DNMBP: variants seen among roughly 807,000 people sequenced by gnomAD.
DNMBP encodes dynamin-binding protein.
DNMBP carries 87 observed loss-of-function variants against 150.0 expected under a neutral mutation model. The ratio of observed to expected loss-of-function variants is 0.58; its 90% CI spans 0.49 to 0.69. DNMBP has a LOEUF of 0.69. DNMBP is among the 30% of genes least tolerant of loss of function. The probability of loss-of-function intolerance (pLI) is 0.00; values close to 1 mark genes in which losing one functional copy is unlikely to be tolerated. For missense variants in DNMBP, 1,774 were observed against 1,949.0 expected (o/e 0.91, Z 1.69); for synonymous variants, 711 against 750.4 (o/e 0.95, Z 0.86).
intron 11 of DNMBP, 113 bp downstream of exon 11, chr10:99,894,833 T>C (rs1376083832): frequency 1.5e-5 from 11 of 743,466 alleles, no homozygotes; most frequent in South Asian, 1.1e-4. Flanking sequence ...TGGGGCATAA[T>C]AGTAATTTGA....
At chr10:99,891,180 CTCTCCCTCTCCCCACCG>C (rs1158604267) in intron 11 of DNMBP, among the ~76,000 whole-genome samples, 9 of 149,130 alleles carry the variant, frequency 6.0e-5, no homozygotes, top group Non-Finnish European at 9.0e-5. Context: ...CTCCCTCCCC[CTCTCCCTCTCCCCACCG>C]TCTCCCTCTC....
At chr10:99,900,876 A>C (rs1178218176) in intron 6 of DNMBP, among the ~76,000 whole-genome samples, 1 of 152,158 alleles carries the variant, frequency 6.6e-6, no homozygotes, top group Non-Finnish European at 1.5e-5. Flanking sequence ...AGACTGGATA[A>C]AGTATATTAC....
chr10:99,983,533 T>C (rs2040799646), intron 1 of DNMBP, among the ~76,000 whole-genome samples: 1 of 152,194 alleles, frequency 6.6e-6, no homozygotes, highest in Non-Finnish European at 1.5e-5. Context: ...TTCAGATAAC[T>C]AGCAACAGAT....
intron 10 of DNMBP, among the ~76,000 whole-genome samples, chr10:99,895,799 G>T (rs1313517797): frequency 6.6e-6 from 1 of 152,160 alleles, no homozygotes; most frequent in Non-Finnish European, 1.5e-5. Context: ...CCTAACAATG[G>T]ACTATTTTCT....
At chr10:99,890,084 T>C (rs990017600) in intron 11 of DNMBP, among the ~76,000 whole-genome samples, 6 of 152,246 alleles carry the variant, frequency 3.9e-5, no homozygotes, top group African/African-American at 1.4e-4. Context: ...TTAGACCTTT[T>C]GTCTTTAATA....
intron 4 of DNMBP, among the ~76,000 whole-genome samples, chr10:99,929,287 C>A (rs1363716742): frequency 6.7e-6 from 1 of 148,766 alleles, no homozygotes; most frequent in Non-Finnish European, 1.5e-5. Context: ...GCTGCCTCGA[C>A]AAGATGAACA....
chr10:99,947,189 T>C (rs2040366541), intron 4 of DNMBP, among the ~76,000 whole-genome samples: 1 of 152,194 alleles, frequency 6.6e-6, no homozygotes, highest in Non-Finnish European at 1.5e-5. Flanking sequence ...AGTAGAACTA[T>C]CATTCGACTT....
intron 6 of DNMBP, among the ~76,000 whole-genome samples, chr10:99,905,538 C>G (rs2039814126): frequency 1.3e-5 from 2 of 152,022 alleles, no homozygotes; most frequent in African/African-American, 4.8e-5. Context: ...GCCTGGGCAA[C>G]AGAGCAAGAC....
At position 99,955,635 on chromosome 10, in the gene DNMBP, A is replaced by T; in HGVS notation, c.1839T>A (p.Pro613=). The change falls in exon 4 of 17, where the codon CCT becomes CCA. Residue 613 remains proline, a synonymous_variant. Transcript: ENST00000324109. ...AAGTGGATACCGGAGTACAGGGACG[A>T]GGTGGCGGTGGCCTTAGGGCCTTTC... ...ERRKALRPPP[P]RPCTPVSTSP... 6.2e-7 allele frequency: 1 copy of T among 1,614,206 alleles called. No individual in the cohort carries two copies. Among genetic ancestry groups the T allele is most frequent in the Non-Finnish European group, 8.5e-7 (1 of 1,180,032 alleles).
chr10:99,983,958 A>C (rs2040804210), intron 1 of DNMBP, among the ~76,000 whole-genome samples: 1 of 152,236 alleles, frequency 6.6e-6, no homozygotes, highest in African/African-American at 2.4e-5. Flanking sequence ...ACCCTTATCT[A>C]AACCACCCGA....
At chr10:99,897,095 T>G (rs992728802) in intron 9 of DNMBP, among the ~76,000 whole-genome samples, 1 of 152,094 alleles carries the variant, frequency 6.6e-6, no homozygotes, top group Admixed American at 6.6e-5. Context: ...TTAGATAACT[T>G]TAAAGTGTGG....
chr10:100,000,859 C>CAAAAA (rs36026874), intron 1 of DNMBP, among the ~76,000 whole-genome samples: 1 of 52,544 alleles, frequency 1.9e-5, no homozygotes, highest in African/African-American at 5.5e-5. Context: ...CCTGTTATGG[C>CAAAAA]AAAAAAAAAA....
chr10:99,877,790 G>C (rs1162214622), intron 16 of DNMBP, among the ~76,000 whole-genome samples: 1 of 152,176 alleles, frequency 6.6e-6, no homozygotes, highest in East Asian at 1.9e-4. Flanking sequence ...CTCCAACCCA[G>C]GATGCAGAGG....
Position 99,909,165 on chromosome 10 carries a change from C to T in DNMBP, c.2261-19G>A. The T allele has an allele frequency of 6.2e-7, 1 of 1,604,416 alleles. No homozygotes were observed. Among genetic ancestry groups the T allele is most frequent in the Non-Finnish European group, 8.5e-7 (1 of 1,174,308 alleles). ...GTCATTTCTAGAAGGGAAAAGAGAA[C>T]TGGTTAGCAGCTCTGGGTGTAAAAG... On this transcript the variant is annotated intron_variant, in intron 4 of 16. Transcript: ENST00000324109.
intron 4 of DNMBP, chr10:99,930,245 T>C (rs1314546115): frequency 4.3e-6 from 3 of 702,818 alleles, no homozygotes; most frequent in African/African-American, 1.7e-5. Flanking sequence ...ACAACTGAGG[T>C]TGACCTAAAT....
intron 4 of DNMBP, among the ~76,000 whole-genome samples, chr10:99,932,238 A>G (rs1264634457): frequency 1.3e-5 from 2 of 152,156 alleles, no homozygotes; most frequent in African/African-American, 4.8e-5. Flanking sequence ...AAACTGCCTT[A>G]TATGCTTTGT....
chr10:99,990,316 G>A (rs796310925), intron 1 of DNMBP, among the ~76,000 whole-genome samples: 8 of 152,182 alleles, frequency 5.3e-5, no homozygotes, highest in African/African-American at 1.9e-4. Flanking sequence ...ACTTTGAGAG[G>A]CTAAGGTGGG....
At chr10:99,989,487 G>C (rs1242897306) in intron 1 of DNMBP, among the ~76,000 whole-genome samples, 1 of 152,186 alleles carries the variant, frequency 6.6e-6, no homozygotes, top group Non-Finnish European at 1.5e-5. Context: ...GAGGCAGGTG[G>C]ATCATCTGAG....
chr10:100,005,582 C>T (rs1204114880), intron 1 of DNMBP, among the ~76,000 whole-genome samples: 1 of 151,776 alleles, frequency 6.6e-6, no homozygotes, highest in East Asian at 1.9e-4. Flanking sequence ...GGTGAAACCC[C>T]GTCTCTACTA....
Sources: allele counts gnomAD v4.1 joint callset (sites outside exome capture counted in the v4.1 genomes callset), GRCh38; gene constraint gnomAD v4.1.1; transcripts MANE v1.5; gene names NCBI Gene and HGNC (gene_info 2026-07-23, HGNC 2026-07-21).